Variants in UGT2B28 observed in about 807,000 individuals in gnomAD.
UGT2B28 encodes the protein UDP-glucuronosyltransferase 2B28.
In UGT2B28, 45 loss-of-function variants were observed where a neutral mutation model predicts 43.6. That is an observed-to-expected ratio of 1.03 (90% CI 0.81 to 1.32). The LOEUF is 1.32. Ranked by LOEUF, UGT2B28 falls within the 40% of genes most tolerant of loss-of-function variation. The pLI, the probability that UGT2B28 is intolerant of heterozygous loss-of-function variation, is 0.00. For synonymous variants in UGT2B28, 204 were observed against 208.1 expected (o/e 0.98, Z 0.17); for missense variants, 649 against 625.5 (o/e 1.04, Z -0.40).
In UGT2B28 at chr4:69,281,151, G is replaced by A; in HGVS notation, c.651G>A (p.Val217=). 1 of 1,552,496 alleles carries A rather than the reference G, an allele frequency of 6.4e-7. No individual in the cohort carries two copies. The highest frequency in any genetic ancestry group is 1.7e-4 in the Middle Eastern group (1 of 5,792). The part of the protein sequence containing the change: ...FMERVKNMIY[V]LYFDFWFQMC... ...AGAGGGTAAAAAACATGATCTATGT[G>A]CTTTATTTTGACTTTTGGTTCCAAA... Residue 217 remains valine (V), a synonymous_variant, in exon 1 of 6, where the codon GTG becomes GTA. Coordinates refer to ENST00000335568, the MANE Select transcript of UGT2B28 (RefSeq NM_053039.2).
At chr4:69,284,806 T>C (rs1305944294) in intron 2 of UGT2B28, among the ~76,000 whole-genome samples, 1 of 140,674 alleles carries the variant, frequency 7.1e-6, no homozygotes, top group Non-Finnish European at 1.5e-5. Context: ...TTCAATTATA[T>C]ATTACATTCT....
intron 2 of UGT2B28, among the ~76,000 whole-genome samples, chr4:69,284,701 A>G (rs1215210504): frequency 7.1e-6 from 1 of 140,644 alleles, no homozygotes; most frequent in African/African-American, 2.8e-5. Flanking sequence ...CTTGTTATTA[A>G]CTTGCAGAAA....
chr4:69,284,207 A>T lies in UGT2B28; in HGVS notation c.870+1545A>T, dbSNP rs1319522998. On this transcript the variant is annotated intron_variant, in intron 2 of 5. Transcript: ENST00000335568. ...GATAGTGAACAATGCATGTATAATA[A>T]AGAACAAATAATTTCTACCACTTGT... Among the ~76,000 whole-genome samples the T allele has an allele frequency of 2.2e-4, 31 of 140,324 alleles. 2 individuals are homozygous for T. The Admixed American group carries it at 2.2e-3, about 10-fold the overall frequency. The allele number at this position is 140,324 out of a possible 152,430, so 92.1% of individuals were successfully genotyped here.
rs1055409202 is a variant in UGT2B28, at chr4:69,280,952, A to T, written c.452A>T (p.Asp151Val). The T allele has an allele frequency of 6.4e-7, 1 of 1,560,416 alleles. No homozygotes were observed. The highest frequency in any genetic ancestry group is 1.5e-5 in the African/African-American group (1 of 66,252). Residue 151 changes from aspartate (D) to valine (V), a missense_variant, in exon 1 of 6, where the codon GAT becomes GTT. By Grantham distance (152) the Asp-to-Val change is radical. Transcript: ENST00000335568. ...TCAAGATTTGACATCATTTTTGCAG[A>T]TGCTTTTTTTCCTTGTGGTGAGCTG... ...QESRFDIIFA[D>V]AFFPCGELLA...
intron 3 of UGT2B28, 46 bp from the exon 4 acceptor site, chr4:69,289,619 T>G: frequency 1.4e-6 from 2 of 1,469,148 alleles, no homozygotes; most frequent in Non-Finnish European, 1.8e-6. Context: ...ATTCTATAAT[T>G]TTTGAGTTCC....
At chr4:69,286,958 A>T in intron 3 of UGT2B28, 75 bp downstream of exon 3, 1 of 1,523,410 alleles carries the variant, frequency 6.6e-7, no homozygotes, top group Non-Finnish European at 8.8e-7. Flanking sequence ...CACAGAAAGA[A>T]TATTAAGGCT....
In UGT2B28 at chr4:69,280,924, G is replaced by C; in HGVS notation, c.424G>C (p.Glu142Gln). The C allele has an allele frequency of 6.4e-7, 1 of 1,559,844 alleles. No individual in the cohort carries two copies. The highest frequency in any genetic ancestry group is 1.5e-5 in the African/African-American group (1 of 66,176). Residue 142 changes from glutamate to glutamine, a missense_variant, in exon 1 of 6, where the codon GAG becomes CAG. Transcript: ENST00000335568. Reference protein sequence around the residue: ...SNKKVMKKLQESRFDIIFADA... With the variant: ...SNKKVMKKLQQSRFDIIFADA... ...TAAGAAAGTTATGAAAAAACTACAAGAGTCAAGATTTGACATCATTTTTGC... is the reference window on the plus strand; with the variant it reads ...TAAGAAAGTTATGAAAAAACTACAACAGTCAAGATTTGACATCATTTTTGC...
Position 69,295,024 on chromosome 4 carries a change from G to C in UGT2B28, c.*215G>C. ...TTCTGTGGCAATGAAGAAAACACTA[G>C]GGAAAATAAAAAATAATATAAAGCC... is the stretch of plus-strand genomic sequence containing the variant. On this transcript the variant is annotated 3_prime_UTR_variant, in exon 6 of 6. Transcript: ENST00000335568. 1 of 513,304 alleles carries C rather than the reference G, an allele frequency of 1.9e-6. No individual in the cohort carries two copies. The highest frequency in any genetic ancestry group is 2.9e-6 in the Non-Finnish European group (1 of 350,562). 31.8% of individuals were successfully genotyped at this position (513,304 alleles called of 1,614,324 possible).
chr4:69,284,992 C>A (rs895190760), intron 2 of UGT2B28, among the ~76,000 whole-genome samples: 1 of 139,040 alleles, frequency 7.2e-6, no homozygotes, highest in Admixed American at 7.2e-5. Context: ...AGAATTAATC[C>A]GACATCTTAC....
At position 69,280,992 on chromosome 4, in the gene UGT2B28, T is replaced by C; in HGVS notation, c.492T>C (p.Leu164=). 1 of 1,560,372 alleles carries C rather than the reference T, an allele frequency of 6.4e-7. No homozygotes were observed. Among genetic ancestry groups the C allele is most frequent in the Non-Finnish European group, 8.7e-7 (1 of 1,155,676 alleles). ...GTGGTGAGCTGCTGGCTGCGCTACT[T>C]AACATACCGTTTGTGTACAGTCTCT... The part of the protein sequence containing the change: ...FPCGELLAAL[L]NIPFVYSLCF... Residue 164 remains leucine, a synonymous_variant, in exon 1 of 6, where the codon CTT becomes CTC. Coordinates refer to ENST00000335568, the MANE Select transcript of UGT2B28 (RefSeq NM_053039.2).
intron 2 of UGT2B28, among the ~76,000 whole-genome samples, chr4:69,283,081 A>C (rs1449314000): frequency 7.1e-6 from 1 of 140,824 alleles, no homozygotes; most frequent in Non-Finnish European, 1.5e-5. Context: ...AAAATGTTTT[A>C]AAAAACTATT....
intron 4 of UGT2B28, 83 bp from the exon 5 acceptor site, chr4:69,290,509 A>C: frequency 6.7e-7 from 1 of 1,486,108 alleles, no homozygotes; most frequent in Non-Finnish European, 9.1e-7. Context: ...GTTATCTAGA[A>C]AACACTGTCA....
rs1223540866 is a variant in UGT2B28 at position 69,291,544 on chromosome 4, T to A, written c.1310+733T>A. ...TTTGTTCTTTTCTTATGGTTTTTGTTTTACTTCATATTGTTTTGTGTTTTA... is the reference window on the plus strand; with the variant it reads ...TTTGTTCTTTTCTTATGGTTTTTGTATTACTTCATATTGTTTTGTGTTTTA... On this transcript the variant is annotated intron_variant, in intron 5 of 5. Coordinates refer to ENST00000335568, the MANE Select transcript of UGT2B28 (RefSeq NM_053039.2). Among the ~76,000 whole-genome samples, 2 of 140,954 alleles carry A rather than the reference T, an allele frequency of 1.4e-5. 1 individual carries two copies. Among genetic ancestry groups the A allele is most frequent in the Admixed American group, 1.4e-4 (2 of 14,032 alleles). 92.5% of individuals were successfully genotyped at this position (140,954 alleles called of 152,430 possible). A position where few individuals can be genotyped will look rare whatever the true frequency, so the allele number is the denominator to read the frequency against.
intron 3 of UGT2B28, 135 bp from the exon 4 acceptor site, chr4:69,289,530 T>A: frequency 1.3e-6 from 1 of 793,548 alleles, no homozygotes; most frequent in South Asian, 3.1e-5. Context: ...AATGTGAGTA[T>A]TGTTTTTACA....
In UGT2B28 at chr4:69,288,405, C is replaced by T. The variant is rs992923065; in HGVS notation, c.1003-1260C>T. ...AAGTAGATACATTTATACTACTTCTCATATTATTCAAAAACAAATGAATAT... is the reference window on the plus strand; with the variant it reads ...AAGTAGATACATTTATACTACTTCTTATATTATTCAAAAACAAATGAATAT... On this transcript the variant is annotated intron_variant, in intron 3 of 5. Coordinates refer to ENST00000335568, the MANE Select transcript of UGT2B28 (RefSeq NM_053039.2). Among the ~76,000 whole-genome samples, 30 of 139,224 alleles carry T rather than the reference C, an allele frequency of 2.2e-4. 4 individuals are homozygous for T. The highest frequency in any genetic ancestry group is 2.9e-4 in the Admixed American group (4 of 13,830). The allele number at this position is 139,224 out of a possible 152,430, so 91.3% of individuals were successfully genotyped here. A position where few individuals can be genotyped will look rare whatever the true frequency, so the allele number is the denominator to read the frequency against.
At position 69,280,763 on chromosome 4, in the gene UGT2B28, A is replaced by C. The variant is rs770884017; in HGVS notation, c.263A>C (p.Asn88Thr). 2.9e-5 allele frequency: 46 copies of C among 1,566,058 alleles called. 10 individuals are homozygous for C. In the South Asian group the frequency reaches 5.1e-4, roughly 17 times the overall value. ...TCTTTAACTAAAACTGAATTTGAGA[A>C]TATCATCATGCAACAGGTTAAGAGA... The part of the protein sequence containing the change: ...PTSLTKTEFE[N>T]IIMQQVKRWS... The change falls in exon 1 of 6, where the codon AAT (asparagine) becomes ACT (threonine). Residue 88 changes from asparagine to threonine, a missense_variant. Coordinates refer to ENST00000335568, the MANE Select transcript of UGT2B28 (RefSeq NM_053039.2).
chr4:69,294,409 T>C lies in UGT2B28; in HGVS notation c.1311-121T>C, dbSNP rs1560568790. 3 of 1,070,762 alleles carry C rather than the reference T, an allele frequency of 2.8e-6. 1 individual carries two copies. The highest frequency in any genetic ancestry group is 3.6e-6 in the Non-Finnish European group (3 of 826,118). The allele number at this position is 1,070,762 out of a possible 1,614,324, so 66.3% of individuals were successfully genotyped here. A position where few individuals can be genotyped will look rare whatever the true frequency, so the allele number is the denominator to read the frequency against. On this transcript the variant is annotated intron_variant, in intron 5 of 5. Transcript: ENST00000335568. ...GACTCAAATTAAAATACACAAATTC[T>C]CTGTCAATTCTTTCAAATTTACTTT... is the stretch of plus-strand genomic sequence containing the variant.
rs1347414323 is a variant in UGT2B28 at position 69,283,951 on chromosome 4, T to C, written c.870+1289T>C. On this transcript the variant is annotated intron_variant, in intron 2 of 5. Coordinates refer to ENST00000335568, the MANE Select transcript of UGT2B28 (RefSeq NM_053039.2). ...TCACTAGTATTCGAGCATAAAACAC[T>C]TCCTCAACAATACAAATGTGTGCCT... is the stretch of plus-strand genomic sequence containing the variant. Among the ~76,000 whole-genome samples, 3 of 141,004 alleles carry C rather than the reference T, an allele frequency of 2.1e-5. 1 individual carries two copies. The highest frequency in any genetic ancestry group is 4.6e-5 in the Non-Finnish European group (3 of 65,744). The allele number at this position is 141,004 out of a possible 152,430, so 92.5% of individuals were successfully genotyped here.
intron 4 of UGT2B28, 117 bp downstream of exon 4, chr4:69,289,869 T>C: frequency 8.8e-7 from 1 of 1,133,452 alleles, no homozygotes; most frequent in Non-Finnish European, 1.2e-6. Context: ...AAGAACTTCT[T>C]TGTATTTATT....
Sources: gnomAD v4.1 joint callset for allele counts (sites outside exome capture counted in the v4.1 genomes callset) on GRCh38, gnomAD v4.1.1 for gene constraint, MANE v1.5 for transcripts, NCBI Gene and HGNC (gene_info 2026-07-23, HGNC 2026-07-21) for gene names.